Variants in TNIK observed in about 807,000 individuals in gnomAD.
The protein encoded by TNIK is TRAF2 and NCK-interacting protein kinase.
TNIK carries 49 observed loss-of-function variants against 191.3 expected under a neutral mutation model. The ratio of observed to expected loss-of-function variants is 0.26; its 90% confidence interval spans 0.20 to 0.32. The LOEUF (loss-of-function observed/expected upper bound fraction) is 0.32, where lower values mean the gene tolerates loss of function less well. Among genes scored for constraint, TNIK ranks in the 10% least tolerant of loss-of-function variants. The pLI, the probability that TNIK is intolerant of heterozygous loss-of-function variation, is 1.00. For missense variants in TNIK, 1,155 were observed against 1,702.3 expected (o/e 0.68, Z 5.66); for synonymous variants, 594 against 600.9 (o/e 0.99, Z 0.17).
At chr3:171,181,992 T>C (rs1031769141) in intron 7 of TNIK, among the ~76,000 whole-genome samples, 1 of 152,112 alleles carries the variant, frequency 6.6e-6, no homozygotes, top group Non-Finnish European at 1.5e-5. Flanking sequence ...ATATGTACTT[T>C]ATTTAGTACA....
intron 1 of TNIK, among the ~76,000 whole-genome samples, chr3:171,390,570 C>A (rs1014112377): frequency 6.6e-6 from 1 of 152,142 alleles, no homozygotes. Context: ...GAACTAAATG[C>A]CTTGGTTAGG....
intron 19 of TNIK, among the ~76,000 whole-genome samples, chr3:171,109,300 T>G (rs956980964): frequency 6.6e-6 from 1 of 152,216 alleles, no homozygotes; most frequent in Non-Finnish European, 1.5e-5. Flanking sequence ...TACCTAGGAC[T>G]ACAGGCGTAA....
intron 2 of TNIK, among the ~76,000 whole-genome samples, chr3:171,342,469 G>C (rs182286778): frequency 5.7e-4 from 87 of 152,082 alleles, no homozygotes; most frequent in African/African-American, 2.1e-3. Context: ...TCACTCTCAA[G>C]CACCTTATGG....
chr3:171,341,224 G>A (rs1375652105), intron 2 of TNIK, among the ~76,000 whole-genome samples: 4 of 152,060 alleles, frequency 2.6e-5, no homozygotes. Context: ...TATAATCCCA[G>A]CACTTTGGGA....
At chr3:171,191,000 G>A (rs1738001848) in intron 5 of TNIK, among the ~76,000 whole-genome samples, 1 of 152,136 alleles carries the variant, frequency 6.6e-6, no homozygotes, top group Non-Finnish European at 1.5e-5. Flanking sequence ...GCAATGCATG[G>A]TGCTGTGTTT....
intron 2 of TNIK, among the ~76,000 whole-genome samples, chr3:171,234,709 A>G (rs756428458): frequency 2.6e-5 from 4 of 152,230 alleles, no homozygotes; most frequent in Non-Finnish European, 5.9e-5. Flanking sequence ...AAGGGAAAAA[A>G]ATCAAATAGT....
At chr3:171,333,069 A>T (rs1281191250) in intron 2 of TNIK, among the ~76,000 whole-genome samples, 1 of 152,196 alleles carries the variant, frequency 6.6e-6, no homozygotes, top group Non-Finnish European at 1.5e-5. Context: ...TTACAGCCAC[A>T]ACTCTTAGGG....
At chr3:171,231,550 G>A (rs951454593) in intron 2 of TNIK, among the ~76,000 whole-genome samples, 4 of 152,026 alleles carry the variant, frequency 2.6e-5, no homozygotes, top group African/African-American at 4.8e-5. Context: ...GTATCCCCAC[G>A]CGCTAGAGCA....
intron 2 of TNIK, among the ~76,000 whole-genome samples, chr3:171,266,690 T>C (rs1016213303): frequency 6.6e-6 from 1 of 152,218 alleles, no homozygotes; most frequent in African/African-American, 2.4e-5. Context: ...AGAGTACATT[T>C]TATACAAAAG....
At chr3:171,226,106 A>G (rs757160618) in intron 3 of TNIK, among the ~76,000 whole-genome samples, 22 of 152,192 alleles carry the variant, frequency 1.4e-4, no homozygotes, top group Admixed American at 2.6e-4. Flanking sequence ...AGATCCTGCT[A>G]ATCGACCATT....
chr3:171,263,560 CT>C (rs1252834211), intron 2 of TNIK, among the ~76,000 whole-genome samples: 6 of 152,012 alleles, frequency 3.9e-5, no homozygotes, highest in Non-Finnish European at 1.5e-5. Flanking sequence ...TATGGAACAC[CT>C]ACAATTTGGT....
At chr3:171,372,875 A>G (rs763502313) in intron 1 of TNIK, among the ~76,000 whole-genome samples, 23 of 152,212 alleles carry the variant, frequency 1.5e-4, no homozygotes, top group Non-Finnish European at 3.1e-4. Context: ...AAGCATCTAC[A>G]GTCTACAGTA....
At chr3:171,107,450 T>G (rs917171728) in intron 20 of TNIK, among the ~76,000 whole-genome samples, 1 of 147,638 alleles carries the variant, frequency 6.8e-6, no homozygotes. Context: ...GAAAAGATTC[T>G]CAAGAGATTT....
rs564494756 is a variant in TNIK at position 171,223,054 on chromosome 3, C to G, written c.180+5111G>C. On this transcript the variant is annotated intron_variant, in intron 3 of 32. Transcript: ENST00000436636. ...TAAAAACCTTGTAAACTCCTTGTCA[C>G]AGTATTAAATTCCTTCATGACCTGG... Among the ~76,000 whole-genome samples, 53 of 152,338 alleles carry G rather than the reference C, an allele frequency of 3.5e-4. 1 individual carries two copies. The highest frequency in any genetic ancestry group is 3.4e-3 in the Middle Eastern group (1 of 294).
intron 1 of TNIK, among the ~76,000 whole-genome samples, chr3:171,403,611 C>CAAAAAAAAAAAA (rs57982642): frequency 1.3e-4 from 13 of 100,166 alleles, no homozygotes; most frequent in African/African-American, 4.2e-4. Flanking sequence ...GACTCCGTAT[C>CAAAAAAAAAAAA]AAAAAAAAAA....
chr3:171,358,865 A>G (rs1389696345), intron 2 of TNIK, among the ~76,000 whole-genome samples: 1 of 152,168 alleles, frequency 6.6e-6, no homozygotes, highest in African/African-American at 2.4e-5. Flanking sequence ...GTTGCAGGAC[A>G]TGACCCAGGA....
At chr3:171,338,771 G>A (rs946818896) in intron 2 of TNIK, among the ~76,000 whole-genome samples, 2 of 151,652 alleles carry the variant, frequency 1.3e-5, no homozygotes, top group East Asian at 1.9e-4. Flanking sequence ...CCAAAGTGCC[G>A]GGATTACAGG....
At chr3:171,326,888 AT>A (rs1207598634) in intron 2 of TNIK, among the ~76,000 whole-genome samples, 1 of 152,120 alleles carries the variant, frequency 6.6e-6, no homozygotes, top group Non-Finnish European at 1.5e-5. Context: ...GTCTGCTTAT[AT>A]TTTTAGACTG....
In TNIK at chr3:171,400,522, T is replaced by C. The variant is rs11919730; in HGVS notation, c.58-30837A>G. ...AGGTCAAGGCTGCAGTGAGCCATAT[T>C]GCACCACTGCACTCCAGCCTGGGCA... On this transcript the variant is annotated intron_variant, in intron 1 of 32. Transcript: ENST00000436636. 1.9e-3 allele frequency among the ~76,000 whole-genome samples: 294 copies of C among 150,990 alleles called. 1 individual carries two copies. Among genetic ancestry groups the C allele is most frequent in the African/African-American group, 6.9e-3 (281 of 40,992 alleles).
Sources: allele counts gnomAD v4.1 joint callset (sites outside exome capture counted in the v4.1 genomes callset), GRCh38; gene constraint gnomAD v4.1.1; transcripts MANE v1.5; gene names NCBI Gene and HGNC (gene_info 2026-07-23, HGNC 2026-07-21).